Variants in GRID2 observed in about 807,000 individuals in gnomAD.
GRID2 encodes glutamate receptor ionotropic, delta-2.
Under a neutral mutation model 114.8 loss-of-function variants are expected in GRID2, and 33 were observed. That is an observed-to-expected ratio of 0.29 (90% CI 0.22 to 0.38). GRID2 has a LOEUF of 0.38. Among genes scored for constraint, GRID2 ranks in the 10% least tolerant of loss-of-function variants. The pLI, the probability that GRID2 is intolerant of heterozygous loss-of-function variation, is 1.00. For missense variants in GRID2, 1,184 were observed against 1,257.7 expected (o/e 0.94, Z 0.89); for synonymous variants, 505 against 449.9 (o/e 1.12, Z -1.55).
intron 2 of GRID2, chr4:92,884,730 T>G (rs1391154643): frequency 8.3e-6 from 2 of 241,486 alleles, no homozygotes; most frequent in Non-Finnish European, 1.7e-5. Flanking sequence ...TGAAGCCTCC[T>G]TTAATGTTCA....
intron 14 of GRID2, among the ~76,000 whole-genome samples, chr4:93,718,215 C>T (rs914591993): frequency 3.9e-5 from 6 of 152,030 alleles, no homozygotes; most frequent in African/African-American, 1.4e-4. Flanking sequence ...ATATATACCC[C>T]TATATGCATT....
chr4:93,503,623 G>C (rs1728347146), intron 12 of GRID2, among the ~76,000 whole-genome samples: 1 of 151,858 alleles, frequency 6.6e-6, no homozygotes, highest in Non-Finnish European at 1.5e-5. Context: ...ATGGTTTCCA[G>C]CTTCACCCAT....
intron 2 of GRID2, among the ~76,000 whole-genome samples, chr4:92,830,291 A>G (rs575868824): frequency 3.3e-5 from 5 of 150,866 alleles, no homozygotes; most frequent in African/African-American, 1.2e-4. Flanking sequence ...TGGGATTTAC[A>G]TTGTTTTTTT....
At chr4:93,744,286 C>T (rs1402207965) in intron 14 of GRID2, among the ~76,000 whole-genome samples, 2 of 152,140 alleles carry the variant, frequency 1.3e-5, no homozygotes, top group Non-Finnish European at 2.9e-5. Context: ...TTAAGAAATA[C>T]ATTTTGGCTG....
intron 2 of GRID2, among the ~76,000 whole-genome samples, chr4:92,873,397 C>T (rs975535424): frequency 3.3e-5 from 5 of 151,916 alleles, no homozygotes; most frequent in African/African-American, 9.7e-5. Flanking sequence ...TTCATTCTAA[C>T]TTCAACTTTT....
At chr4:92,611,737 G>A (rs1048007454) in intron 2 of GRID2, among the ~76,000 whole-genome samples, 11 of 151,320 alleles carry the variant, frequency 7.3e-5, no homozygotes. Flanking sequence ...GTTTTACTTT[G>A]TATTTCTCTA....
chr4:93,356,979 A>G (rs1412040290), intron 8 of GRID2, among the ~76,000 whole-genome samples: 2 of 151,628 alleles, frequency 1.3e-5, no homozygotes. Context: ...GTTGATTTTA[A>G]TTTTTTCACT....
In GRID2 at chr4:93,332,297, T is replaced by TGAGAGAGAGAGAGA. The variant is rs1255976950; in HGVS notation, c.1246-63309_1246-63308insAGAGAGAGAGAGAG. On this transcript the variant is annotated intron_variant, in intron 8 of 15. Transcript: ENST00000282020. ...GTGTGTGTGTGTGTGTGTGTGTGTG[T>TGAGAGAGAGAGAGA]GTGAGAGAGAGAGAGAGAGAGAGAG... Among the ~76,000 whole-genome samples, 312 of 133,038 alleles carry TGAGAGAGAGAGAGA rather than the reference T, an allele frequency of 2.3e-3. 3 individuals carry two copies. The highest frequency in any genetic ancestry group is 9.4e-3 in the African/African-American group (295 of 31,328). 87.3% of individuals were successfully genotyped at this position (133,038 alleles called of 152,430 possible).
intron 2 of GRID2, among the ~76,000 whole-genome samples, chr4:92,953,710 C>G (rs1298221365): frequency 6.6e-6 from 1 of 152,052 alleles, no homozygotes; most frequent in African/African-American, 2.4e-5. Flanking sequence ...TGAGCTCTCA[C>G]TGAGAGTCCC....
At chr4:93,463,884 G>T (rs1180199695) in intron 11 of GRID2, among the ~76,000 whole-genome samples, 1 of 152,090 alleles carries the variant, frequency 6.6e-6, no homozygotes, top group Non-Finnish European at 1.5e-5. Flanking sequence ...AGCTACTCGG[G>T]AGGCTGAGGC....
At chr4:92,374,093 A>T (rs74931001) in intron 1 of GRID2, among the ~76,000 whole-genome samples, 4,072 of 152,156 alleles carry the variant, frequency 0.027, 101 homozygotes, top group East Asian at 0.098. Context: ...GCTCTTTTAC[A>T]ATTTAATCTG....
chr4:93,042,997 G>T (rs1044648722), intron 2 of GRID2, among the ~76,000 whole-genome samples: 1 of 151,768 alleles, frequency 6.6e-6, no homozygotes, highest in Non-Finnish European at 1.5e-5. Context: ...TTAGAGGAGT[G>T]AAAAAAGAAA....
chr4:92,711,109 C>G (rs988920101), intron 2 of GRID2, among the ~76,000 whole-genome samples: 16 of 152,012 alleles, frequency 1.1e-4, no homozygotes, highest in Admixed American at 1.0e-3. Flanking sequence ...GTAACTTATA[C>G]TTTGTACTAT....
intron 2 of GRID2, among the ~76,000 whole-genome samples, chr4:92,761,960 C>T (rs187884096): frequency 8.5e-5 from 13 of 152,232 alleles, no homozygotes; most frequent in East Asian, 3.9e-4. Context: ...GAGAGAGTCT[C>T]GCTCTGTCTC....
At chr4:92,719,917 G>T (rs889459998) in intron 2 of GRID2, among the ~76,000 whole-genome samples, 9 of 152,062 alleles carry the variant, frequency 5.9e-5, no homozygotes, top group African/African-American at 2.2e-4. Flanking sequence ...TAGGTGTTCT[G>T]CTTCTTCTCC....
chr4:93,051,471 G>C (rs1181456500), intron 2 of GRID2, among the ~76,000 whole-genome samples: 1 of 151,750 alleles, frequency 6.6e-6, no homozygotes, highest in Admixed American at 6.6e-5. Context: ...CTCTTTTTTT[G>C]TTTCCTTTTT....
intron 2 of GRID2, among the ~76,000 whole-genome samples, chr4:92,945,681 C>G (rs1751571118): frequency 6.6e-6 from 1 of 152,076 alleles, no homozygotes; most frequent in Non-Finnish European, 1.5e-5. Context: ...CAAATGATTA[C>G]TTGAAAAATA....
At chr4:93,658,013 C>T (rs938533592) in intron 14 of GRID2, among the ~76,000 whole-genome samples, 7 of 152,140 alleles carry the variant, frequency 4.6e-5, no homozygotes, top group Non-Finnish European at 1.5e-5. Flanking sequence ...TTTCTACTTC[C>T]ATTGGGATCC....
At chr4:93,256,960 G>T (rs1579447000) in intron 8 of GRID2, among the ~76,000 whole-genome samples, 1 of 151,778 alleles carries the variant, frequency 6.6e-6, no homozygotes, top group East Asian at 1.9e-4. Context: ...TTTTATGTTG[G>T]CTGTATAGTT....
Sources: allele counts gnomAD v4.1 joint callset (sites outside exome capture counted in the v4.1 genomes callset), GRCh38; gene constraint gnomAD v4.1.1; transcripts MANE v1.5; gene names NCBI Gene and HGNC (gene_info 2026-07-23, HGNC 2026-07-21).